AGBL3: variants seen among roughly 807,000 people sequenced by gnomAD.
AGBL3 encodes AGBL carboxypeptidase 3.
AGBL3 carries 68 observed loss-of-function variants against 94.5 expected under a neutral mutation model. The observed-to-expected ratio is 0.72, with a 90% CI of 0.59 to 0.88. AGBL3 has a LOEUF of 0.88. AGBL3 is among the 40% of genes least tolerant of loss of function. The pLI, the probability that AGBL3 is intolerant of heterozygous loss-of-function variation, is 0.00. For missense variants in AGBL3, 934 were observed against 1,103.8 expected (o/e 0.85, Z 2.18); for synonymous variants, 354 against 370.7 (o/e 0.95, Z 0.52).
intron 16 of AGBL3, among the ~76,000 whole-genome samples, chr7:135,130,105 A>T (rs1828521358): frequency 6.6e-6 from 1 of 152,146 alleles, no homozygotes; most frequent in Non-Finnish European, 1.5e-5. Flanking sequence ...TACTCCTTAC[A>T]ACTGGGGTAG....
At chr7:135,089,148 A>C (rs141056242) in intron 15 of AGBL3, among the ~76,000 whole-genome samples, 1 of 151,536 alleles carries the variant, frequency 6.6e-6, no homozygotes, top group African/African-American at 2.4e-5. Flanking sequence ...TAAATCTGCC[A>C]TCAAAGCTCT....
intron 2 of AGBL3, 64 bp downstream of exon 2, chr7:134,988,060 AAAT>A: frequency 9.0e-7 from 1 of 1,110,080 alleles, no homozygotes; most frequent in Non-Finnish European, 1.3e-6. Flanking sequence ...TCCCCAATTA[AAAT>A]ATTATAAAAT....
chr7:135,128,964 A>G (rs1197292495), intron 16 of AGBL3: 2 of 1,581,306 alleles, frequency 1.3e-6, no homozygotes, highest in East Asian at 2.2e-5. Context: ...TAGTGAATGC[A>G]TGTACTTCTT....
chr7:135,033,090 G>C, intron 6 of AGBL3, 108 bp downstream of exon 6: 6 of 1,085,526 alleles, frequency 5.5e-6, no homozygotes, highest in Non-Finnish European at 7.6e-6. Flanking sequence ...ATTCCTTGAA[G>C]TATGGATACT....
chr7:135,131,458 T>TA (rs1293686985), intron 16 of AGBL3, among the ~76,000 whole-genome samples: 2 of 113,924 alleles, frequency 1.8e-5, no homozygotes, highest in Admixed American at 9.0e-5. Context: ...GAAACAAAAA[T>TA]TAAAAAAAAA....
intron 5 of AGBL3, among the ~76,000 whole-genome samples, chr7:135,022,541 T>C (rs1175661356): frequency 6.6e-6 from 1 of 152,134 alleles, no homozygotes; most frequent in Non-Finnish European, 1.5e-5. Flanking sequence ...TTTTACGTTC[T>C]TGTAAATTCT....
intron 12 of AGBL3, among the ~76,000 whole-genome samples, chr7:135,060,285 A>T (rs74416375): frequency 0.012 from 1,775 of 152,242 alleles, 33 homozygotes; most frequent in African/African-American, 0.04. Flanking sequence ...ATAAGTAAAA[A>T]TTATATATAT....
At position 135,129,449 on chromosome 7, in the gene AGBL3, G is replaced by A. The variant is rs974690589; in HGVS notation, c.2343-5392G>A. The stretch of plus-strand genomic sequence containing the variant: ...AGGCACTGGAAGAGATGGAAAGTAA[G>A]GAGTGGCTAGAGAAAAACTTCAAGA... On this transcript the variant is annotated intron_variant, in intron 16 of 16. Coordinates refer to ENST00000436302, the MANE Select transcript of AGBL3 (RefSeq NM_178563.4). 6.4e-6 allele frequency: 5 copies of A among 779,940 alleles called. No homozygotes were observed. The African/African-American group carries it at 8.5e-5, about 13-fold the overall frequency. 48.3% of individuals were successfully genotyped at this position (779,940 alleles called of 1,614,324 possible).
chr7:135,076,293 T>C (rs1444102033), intron 12 of AGBL3, 104 bp from the exon 13 acceptor site: 2 of 890,218 alleles, frequency 2.2e-6, no homozygotes, highest in African/African-American at 3.4e-5. Flanking sequence ...ATAAAGTACT[T>C]CTCATCTTCT....
chr7:135,088,597 C>T (rs1021519998), intron 15 of AGBL3, among the ~76,000 whole-genome samples: 15 of 152,110 alleles, frequency 9.9e-5, no homozygotes, highest in Admixed American at 9.8e-4. Flanking sequence ...TCAGTTTTTG[C>T]TTGTCTATGA....
At chr7:135,037,863 A>G (rs1250325874) in intron 8 of AGBL3, among the ~76,000 whole-genome samples, 1 of 152,132 alleles carries the variant, frequency 6.6e-6, no homozygotes, top group Non-Finnish European at 1.5e-5. Context: ...TTATCAATCA[A>G]TTTTAGGGGT....
chr7:135,109,709 GAAGAGA>G (rs1825330516), intron 15 of AGBL3, among the ~76,000 whole-genome samples: 1 of 152,198 alleles, frequency 6.6e-6, no homozygotes, highest in African/African-American at 2.4e-5. Flanking sequence ...TCCTCCCAGT[GAAGAGA>G]AATGGGATCC....
At chr7:135,037,695 A>T in intron 8 of AGBL3, 115 bp downstream of exon 8, 1 of 760,118 alleles carries the variant, frequency 1.3e-6, no homozygotes, top group Non-Finnish European at 1.9e-6. Context: ...AGTTAGTTTG[A>T]CCAGTTTATA....
chr7:135,108,359 A>T (rs567401277), intron 15 of AGBL3, among the ~76,000 whole-genome samples: 46 of 152,190 alleles, frequency 3.0e-4, no homozygotes, highest in Middle Eastern at 3.4e-3. Context: ...TTTCCTTTCC[A>T]TATTTAGTGC....
chr7:135,103,378 T>C (rs1049451161), intron 15 of AGBL3, among the ~76,000 whole-genome samples: 4 of 152,164 alleles, frequency 2.6e-5, no homozygotes, highest in African/African-American at 4.8e-5. Flanking sequence ...TCCAAAAATA[T>C]ACTCTCACAA....
chr7:135,102,750 A>C (rs1824042276), intron 15 of AGBL3, among the ~76,000 whole-genome samples: 1 of 151,918 alleles, frequency 6.6e-6, no homozygotes, highest in Admixed American at 6.6e-5. Flanking sequence ...CCCTTGTCTT[A>C]CACCATAGCA....
Position 135,068,440 on chromosome 7 carries a change from C to A in AGBL3, c.1909-7957C>A, listed in dbSNP as rs565153444. 2.5e-3 allele frequency among the ~76,000 whole-genome samples: 380 copies of A among 152,210 alleles called. 2 individuals carry two copies. Among genetic ancestry groups the A allele is most frequent in the African/African-American group, 8.7e-3 (360 of 41,524 alleles). On this transcript the variant is annotated intron_variant, in intron 12 of 16. Transcript: ENST00000436302. ...CTCCAAGACACATAATTGTCAGATT[C>A]ACCAAAGTTGAAAAGAAGGAAAAAA...
intron 11 of AGBL3, among the ~76,000 whole-genome samples, chr7:135,052,535 T>C (rs1817971813): frequency 6.6e-6 from 1 of 152,130 alleles, no homozygotes; most frequent in Non-Finnish European, 1.5e-5. Context: ...ATTGTGAATA[T>C]AGTGCCCAAT....
chr7:135,051,102 A>C (rs1339476618), intron 11 of AGBL3: 3 of 411,510 alleles, frequency 7.3e-6, no homozygotes, highest in Non-Finnish European at 1.4e-5. Flanking sequence ...TCAATGCCAC[A>C]GGAATATAGT....
Sources: allele counts gnomAD v4.1 joint callset (sites outside exome capture counted in the v4.1 genomes callset), GRCh38; gene constraint gnomAD v4.1.1; transcripts MANE v1.5; gene names NCBI Gene and HGNC (gene_info 2026-07-23, HGNC 2026-07-21).